The following MGA variants were observed in gnomAD, a reference collection of about 807,000 sequenced individuals.
MGA encodes the protein MAX gene-associated protein.
A neutral mutation model predicts 261.1 loss-of-function variants in MGA; 40 were observed. The observed-to-expected ratio is 0.15, with a 90% CI of 0.12 to 0.20. The LOEUF (loss-of-function observed/expected upper bound fraction) is 0.20. Among genes scored for constraint, MGA ranks in the 10% least tolerant of loss-of-function variants. The pLI, the probability that MGA is intolerant of heterozygous loss-of-function variation, is 1.00. For missense variants in MGA, 3,397 were observed against 3,630.5 expected (o/e 0.94, Z 1.65); for synonymous variants, 1,302 against 1,290.6 (o/e 1.01, Z -0.19).
chr15:41,643,153 C>G (rs756132833), intron 1 of MGA, among the ~76,000 whole-genome samples: 4 of 150,568 alleles, frequency 2.7e-5, no homozygotes, highest in Non-Finnish European at 4.4e-5. Context: ...ATCTTCCTGC[C>G]TTGGCCTCTC....
At chr15:41,667,394 C>T (rs151241254) in intron 1 of MGA, among the ~76,000 whole-genome samples, 44 of 152,164 alleles carry the variant, frequency 2.9e-4, no homozygotes, top group Admixed American at 2.7e-3. Context: ...TATGGGCGCA[C>T]ACCACCATGC....
chr15:41,746,541 T>C (rs2062488815), intron 15 of MGA, among the ~76,000 whole-genome samples: 1 of 115,312 alleles, frequency 8.7e-6, no homozygotes. Flanking sequence ...CGAGACTTCG[T>C]CTCAAAAAAA....
At chr15:41,695,963 G>A in intron 2 of MGA, 112 bp from the exon 3 acceptor site, 1 of 804,808 alleles carries the variant, frequency 1.2e-6, no homozygotes, top group Admixed American at 2.9e-5. Flanking sequence ...GAATGGCTCA[G>A]GAAATCTGAT....
In MGA at chr15:41,748,625, C is replaced by T. The variant is rs778810649; in HGVS notation, c.5213-12C>T. On this transcript the variant is annotated splice_polypyrimidine_tract_variant and intron_variant, in intron 15 of 23. Transcript: ENST00000219905. ...GAATTTGGGTACCATGTTTCCATTT[C>T]CTGTTTTTCAGAAAATGCTGCTCAA... 3 of 1,604,684 alleles carry T rather than the reference C, an allele frequency of 1.9e-6. No homozygotes were observed. In the Admixed American group the frequency reaches 5.1e-5, roughly 27 times the overall value.
At position 41,749,710 on chromosome 15, in the gene MGA, G is replaced by C; in HGVS notation, c.6103G>C (p.Glu2035Gln). The C allele has an allele frequency of 6.2e-7, 1 of 1,613,998 alleles. No homozygotes were observed. The highest frequency in any genetic ancestry group is 8.5e-7 in the Non-Finnish European group (1 of 1,179,888). Residue 2035 changes from glutamate (E) to glutamine (Q), a missense_variant, in exon 17 of 24, where the codon GAA (glutamate) becomes CAA (glutamine). Transcript: ENST00000219905. ...AGATAGGGGTGATCATTTGGATGAAGAATGCCTTCCAGAAGAAGGTTGTGC... is the reference window on the plus strand; with the variant it reads ...AGATAGGGGTGATCATTTGGATGAACAATGCCTTCCAGAAGAAGGTTGTGC...
At chr15:41,666,714 T>G (rs1231846021) in intron 1 of MGA, among the ~76,000 whole-genome samples, 1 of 152,246 alleles carries the variant, frequency 6.6e-6, no homozygotes, top group Non-Finnish European at 1.5e-5. Flanking sequence ...CTTTTGTGAC[T>G]GTTAACATTC....
intron 2 of MGA, among the ~76,000 whole-genome samples, chr15:41,679,615 A>G (rs536616042): frequency 6.6e-6 from 1 of 151,824 alleles, no homozygotes; most frequent in South Asian, 2.1e-4. Flanking sequence ...TTTGTATTGC[A>G]TATTGTTCAT....
In MGA at chr15:41,756,836, C is replaced by G. The variant is rs1030752661; in HGVS notation, c.7140-952C>G. On this transcript the variant is annotated intron_variant, in intron 18 of 23. Coordinates refer to ENST00000219905, the MANE Select transcript of MGA (RefSeq NM_001164273.2). Reference sequence around the variant, plus strand: ...TTTGAACTCCTGGCCTCAACCAGTCCTCGTGCCTTGGCCTCCTAAAGTTCT... The same window carrying G: ...TTTGAACTCCTGGCCTCAACCAGTCGTCGTGCCTTGGCCTCCTAAAGTTCT... Among the ~76,000 whole-genome samples the G allele has an allele frequency of 6.8e-4, 103 of 152,106 alleles. 6 individuals are homozygous for G. Among genetic ancestry groups the G allele is most frequent in the Non-Finnish European group, 2.9e-5 (2 of 68,032 alleles).
In MGA at chr15:41,696,073, A is replaced by T; in HGVS notation, c.1065-2A>T. 6.3e-7 allele frequency: 1 copy of T among 1,592,058 alleles called. No homozygotes were observed. The highest frequency in any genetic ancestry group is 8.6e-7 in the Non-Finnish European group (1 of 1,167,484). On this transcript the variant is annotated splice_acceptor_variant, in intron 2 of 23. Transcript: ENST00000219905. LOFTEE classifies it high-confidence loss of function. Reference sequence around the variant, plus strand: ...AAATCCCTTTCTCCTCTCTCTCTCCAGTCTTATTGCCAGCAGTTTTGAAGA... The same window carrying T: ...AAATCCCTTTCTCCTCTCTCTCTCCTGTCTTATTGCCAGCAGTTTTGAAGA...
chr15:41,729,719 C>T (rs932456764), intron 11 of MGA, among the ~76,000 whole-genome samples: 1 of 151,906 alleles, frequency 6.6e-6, no homozygotes, highest in Non-Finnish European at 1.5e-5. Context: ...TCCCAACTAC[C>T]TGGGGTGCTG....
chr15:41,719,802 T>A (rs2151586917), intron 9 of MGA, among the ~76,000 whole-genome samples: 1 of 152,266 alleles, frequency 6.6e-6, no homozygotes, highest in South Asian at 2.1e-4. Flanking sequence ...AGTAAATATG[T>A]CCATATGTAT....
At chr15:41,682,409 C>T (rs1439013582) in intron 2 of MGA, among the ~76,000 whole-genome samples, 1 of 152,158 alleles carries the variant, frequency 6.6e-6, no homozygotes, top group African/African-American at 2.4e-5. Context: ...TACCAAGCTG[C>T]CATCTTGGGA....
intron 1 of MGA, among the ~76,000 whole-genome samples, chr15:41,637,270 C>T (rs2056729670): frequency 6.6e-6 from 1 of 152,080 alleles, no homozygotes; most frequent in South Asian, 2.1e-4. Flanking sequence ...GAAGATAGGT[C>T]ATGGTTCGTA....
Position 41,710,777 on chromosome 15 carries a change from A to G in MGA, c.2512A>G (p.Met838Val). ...ATACTTGGAAAATGAAGGCAAGCTGATGGAAACAAGCATGGGTTTTTCTTC... is the reference window on the plus strand; with the variant it reads ...ATACTTGGAAAATGAAGGCAAGCTGGTGGAAACAAGCATGGGTTTTTCTTC... The change falls in exon 8 of 24, where the codon ATG becomes GTG. Residue 838 changes from methionine to valine, a missense_variant. By Grantham distance (21) the Met-to-Val change is conservative. Coordinates refer to ENST00000219905, the MANE Select transcript of MGA (RefSeq NM_001164273.2). 1 of 1,613,972 alleles carries G rather than the reference A, an allele frequency of 6.2e-7. No homozygotes were observed. Among genetic ancestry groups the G allele is most frequent in the Non-Finnish European group, 8.5e-7 (1 of 1,179,870 alleles).
chr15:41,744,261 T>C (rs1048889443), intron 15 of MGA, among the ~76,000 whole-genome samples: 2 of 152,150 alleles, frequency 1.3e-5, no homozygotes, highest in African/African-American at 4.8e-5. Context: ...TGGAGTACAA[T>C]GGCAGAATCT....
chr15:41,727,259 A>C lies in MGA; in HGVS notation c.3510A>C (p.Glu1170Asp). Reference sequence around the variant, plus strand: ...AAGTAGAAGGTGAAGTAGATCCAGAACCAGTTTATATCCCCACGCCTTCTG... The same window carrying C: ...AAGTAGAAGGTGAAGTAGATCCAGACCCAGTTTATATCCCCACGCCTTCTG... Residue 1170 changes from glutamate (E) to aspartate (D), a missense_variant, in exon 10 of 24, where the codon GAA (glutamate) becomes GAC (aspartate). Coordinates refer to ENST00000219905, the MANE Select transcript of MGA (RefSeq NM_001164273.2). The C allele has an allele frequency of 6.2e-7, 1 of 1,613,766 alleles. No homozygotes were observed. Among genetic ancestry groups the C allele is most frequent in the Non-Finnish European group, 8.5e-7 (1 of 1,179,860 alleles).
chr15:41,656,369 T>TCC, upstream of MGA, among the ~76,000 whole-genome samples: 1 of 129,068 alleles, frequency 7.7e-6, no homozygotes, highest in Non-Finnish European at 1.8e-5. Flanking sequence ...TCTCTCTCTC[T>TCC]CTCTCTCTCA....
At chr15:41,684,452 C>T in intron 2 of MGA, 2 of 424,490 alleles carry the variant, frequency 4.7e-6, no homozygotes, top group Non-Finnish European at 9.3e-6. Flanking sequence ...TGAAACTTAA[C>T]TGTTTGTGAA....
chr15:41,657,094 A>G (rs780573355), upstream of MGA, among the ~76,000 whole-genome samples: 3 of 152,144 alleles, frequency 2.0e-5, no homozygotes, highest in African/African-American at 4.8e-5. Flanking sequence ...AAGTCTTAAA[A>G]GTTCCTCTTT....
Sources: gnomAD v4.1 joint callset for allele counts (sites outside exome capture counted in the v4.1 genomes callset) on GRCh38, gnomAD v4.1.1 for gene constraint, MANE v1.5 for transcripts, NCBI Gene and HGNC (gene_info 2026-07-23, HGNC 2026-07-21) for gene names.